The following HEMK2 variants were observed in gnomAD, a reference collection of about 807,000 sequenced individuals.
The protein encoded by HEMK2 is methyltransferase HEMK2.
At chr21:28,864,824 T>C in the HEMK2 span, among the ~76,000 whole-genome samples, 1,234 of 94,872 alleles carry the variant, frequency 0.013, 18 homozygotes, top group African/African-American at 0.041. Context: ...GACAGACAGA[T>C]AGATAGATAG....
chr21:28,734,770 C>T, the HEMK2 span, among the ~76,000 whole-genome samples: 5 of 152,282 alleles, frequency 3.3e-5, no homozygotes, highest in South Asian at 4.1e-4. Flanking sequence ...GCAGTGTGCA[C>T]GCTCAGCATT....
chr21:28,608,318 AT>A, the HEMK2 span, among the ~76,000 whole-genome samples: 4 of 151,624 alleles, frequency 2.6e-5, no homozygotes, highest in Non-Finnish European at 5.9e-5. Flanking sequence ...TATCAATTGC[AT>A]TTTTTAATTT....
At chr21:28,878,606 TA>T in the HEMK2 span, among the ~76,000 whole-genome samples, 5 of 152,018 alleles carry the variant, frequency 3.3e-5, no homozygotes, top group Non-Finnish European at 7.4e-5. Context: ...AATAAGTGGA[TA>T]AAAAATGTTT....
chr21:28,802,548 T>C, the HEMK2 span, among the ~76,000 whole-genome samples: 1 of 151,810 alleles, frequency 6.6e-6, no homozygotes, highest in African/African-American at 2.4e-5. Context: ...GCCAAAATAG[T>C]GAAACCCCGT....
chr21:28,650,956 G>A, the HEMK2 span, among the ~76,000 whole-genome samples: 1 of 152,172 alleles, frequency 6.6e-6, no homozygotes, highest in East Asian at 1.9e-4. Flanking sequence ...TGGGTACAGA[G>A]TGGTAGTGGG....
the HEMK2 span, among the ~76,000 whole-genome samples, chr21:28,635,243 CG>C: frequency 6.6e-6 from 1 of 151,946 alleles, no homozygotes; most frequent in Non-Finnish European, 1.5e-5. Context: ...GCTGGCATTA[CG>C]GGTGCCTGCC....
the HEMK2 span, among the ~76,000 whole-genome samples, chr21:28,598,870 G>A: frequency 0.018 from 2,708 of 152,314 alleles, 104 homozygotes; most frequent in African/African-American, 0.063. Context: ...TCCAGCCTGA[G>A]TAAGCATTAA....
chr21:28,669,735 ATC>A, the HEMK2 span, among the ~76,000 whole-genome samples: 1 of 152,158 alleles, frequency 6.6e-6, no homozygotes, highest in Non-Finnish European at 1.5e-5. Flanking sequence ...AGATCAATCC[ATC>A]TCCATATGAA....
At chr21:28,802,920 A>G in the HEMK2 span, among the ~76,000 whole-genome samples, 38 of 152,344 alleles carry the variant, frequency 2.5e-4, no homozygotes, top group East Asian at 7.3e-3. Flanking sequence ...TCATTTATAC[A>G]CTAGATCATC....
chr21:28,592,671 A>T, the HEMK2 span, among the ~76,000 whole-genome samples: 1 of 152,184 alleles, frequency 6.6e-6, no homozygotes, highest in Non-Finnish European at 1.5e-5. Flanking sequence ...AATGCTTCTG[A>T]TGTTTCTTCT....
At chr21:28,820,052 T>C in the HEMK2 span, among the ~76,000 whole-genome samples, 1 of 152,182 alleles carries the variant, frequency 6.6e-6, no homozygotes, top group Admixed American at 6.5e-5. Flanking sequence ...AAGCTAAATG[T>C]ACAAGAAAAT....
At chr21:28,740,396 G>C in the HEMK2 span, among the ~76,000 whole-genome samples, 1 of 152,014 alleles carries the variant, frequency 6.6e-6, no homozygotes, top group Non-Finnish European at 1.5e-5. Flanking sequence ...CATAAAGCAG[G>C]AATTCAAATG....
the HEMK2 span, among the ~76,000 whole-genome samples, chr21:28,845,633 CTT>C: frequency 6.6e-6 from 1 of 151,648 alleles, no homozygotes; most frequent in Admixed American, 6.6e-5. Context: ...AGTTTCTTTT[CTT>C]GTTTGATTTA....
chr21:28,836,616 A>G, the HEMK2 span, among the ~76,000 whole-genome samples: 2 of 152,314 alleles, frequency 1.3e-5, no homozygotes, highest in East Asian at 3.9e-4. Flanking sequence ...AACAAAGTAT[A>G]CAGGCAACAA....
At chr21:28,731,485 G>T in the HEMK2 span, among the ~76,000 whole-genome samples, 1 of 151,928 alleles carries the variant, frequency 6.6e-6, no homozygotes, top group Non-Finnish European at 1.5e-5. Context: ...TGTGTCCTTA[G>T]ATGTCCCCTA....
At chr21:28,869,805 A>G in the HEMK2 span, among the ~76,000 whole-genome samples, 1 of 152,246 alleles carries the variant, frequency 6.6e-6, no homozygotes, top group Admixed American at 6.5e-5. Context: ...TGTCACTAAT[A>G]AAGAACTTGG....
chr21:28,697,827 G>A, the HEMK2 span, among the ~76,000 whole-genome samples: 10 of 145,902 alleles, frequency 6.9e-5, no homozygotes, highest in South Asian at 4.4e-4. Flanking sequence ...ACCCAGTCTC[G>A]GGTATTCCTT....
the HEMK2 span, among the ~76,000 whole-genome samples, chr21:28,731,309 A>C: frequency 6.6e-6 from 1 of 152,220 alleles, no homozygotes; most frequent in East Asian, 1.9e-4. Context: ...ATACTATGTA[A>C]TGGAGCTAGA....
At chr21:28,825,529 A>T in the HEMK2 span, among the ~76,000 whole-genome samples, 27 of 152,320 alleles carry the variant, frequency 1.8e-4, no homozygotes, top group African/African-American at 6.5e-4. Context: ...ACATGGCAGG[A>T]CCAGGCTAAG....
Sources: gnomAD v4.1 joint callset for allele counts (sites outside exome capture counted in the v4.1 genomes callset) on GRCh38, gnomAD v4.1.1 for gene constraint, MANE v1.5 for transcripts, NCBI Gene and HGNC (gene_info 2026-07-23, HGNC 2026-07-21) for gene names.